Variants in RERE observed in about 807,000 individuals in gnomAD.
RERE encodes the protein arginine-glutamic acid dipeptide repeats.
RERE carries 40 observed loss-of-function variants against 146.1 expected under a neutral mutation model. The observed-to-expected ratio is 0.27, with a 90% CI of 0.21 to 0.36. The LOEUF is 0.36. Ranked by LOEUF, RERE falls within the 10% of genes least tolerant of loss-of-function variation. RERE has a pLI of 1.00. For synonymous variants in RERE, 1,003 were observed against 866.0 expected (o/e 1.16, Z -2.78); for missense variants, 1,933 against 2,138.7 (o/e 0.90, Z 1.90).
chr1:8,754,056 T>C (rs976626807), intron 1 of RERE, among the ~76,000 whole-genome samples: 1 of 152,166 alleles, frequency 6.6e-6, no homozygotes, highest in Admixed American at 6.5e-5. Context: ...CCCAGCTTGA[T>C]GTTTTTATTA....
chr1:8,704,958 G>A (rs1293391367), intron 1 of RERE, among the ~76,000 whole-genome samples: 1 of 152,182 alleles, frequency 6.6e-6, no homozygotes, highest in African/African-American at 2.4e-5. Context: ...TTGAAAATCT[G>A]CTTCATATCC....
chr1:8,577,622 A>T (rs1570462445), intron 4 of RERE, among the ~76,000 whole-genome samples: 1 of 152,242 alleles, frequency 6.6e-6, no homozygotes, highest in African/African-American at 2.4e-5. Context: ...AAAAATGCTC[A>T]CAATGTTTCT....
intron 10 of RERE, among the ~76,000 whole-genome samples, chr1:8,479,657 G>A (rs1035178027): frequency 1.3e-5 from 2 of 152,212 alleles, no homozygotes; most frequent in Non-Finnish European, 2.9e-5. Context: ...TGTGCAAACA[G>A]CCACCAGTAG....
At chr1:8,643,320 G>C (rs1356058954) in intron 2 of RERE, among the ~76,000 whole-genome samples, 1 of 152,036 alleles carries the variant, frequency 6.6e-6, no homozygotes, top group Non-Finnish European at 1.5e-5. Flanking sequence ...GCTCATTATT[G>C]AGCCCAATTT....
intron 4 of RERE, among the ~76,000 whole-genome samples, chr1:8,593,079 G>C (rs540101207): frequency 3.3e-5 from 5 of 152,106 alleles, no homozygotes; most frequent in Non-Finnish European, 7.4e-5. Flanking sequence ...TGAATGGTGC[G>C]ACTGGTTTCA....
chr1:8,551,843 G>A (rs1464453065), intron 6 of RERE, among the ~76,000 whole-genome samples: 1 of 152,134 alleles, frequency 6.6e-6, no homozygotes, highest in Non-Finnish European at 1.5e-5. Flanking sequence ...GCAGAGCCAG[G>A]ACTCAAACAC....
At chr1:8,569,891 T>TA (rs981385380) in intron 4 of RERE, among the ~76,000 whole-genome samples, 17 of 149,682 alleles carry the variant, frequency 1.1e-4, no homozygotes, top group South Asian at 4.2e-4. Flanking sequence ...GACCCTGTCT[T>TA]AAAAAAAAAG....
chr1:8,780,707 G>A (rs912021544), intron 1 of RERE, among the ~76,000 whole-genome samples: 1 of 152,150 alleles, frequency 6.6e-6, no homozygotes, highest in African/African-American at 2.4e-5. Context: ...TCTGCTGGAG[G>A]AAAAGAAGCT....
At chr1:8,516,181 C>G (rs1024583417) in intron 7 of RERE, among the ~76,000 whole-genome samples, 1 of 139,644 alleles carries the variant, frequency 7.2e-6, no homozygotes, top group African/African-American at 2.8e-5. Flanking sequence ...GCCGAGATCC[C>G]GCCAGTGTAC....
At chr1:8,640,739 C>T (rs2124282564) in intron 2 of RERE, among the ~76,000 whole-genome samples, 1 of 152,246 alleles carries the variant, frequency 6.6e-6, no homozygotes, top group East Asian at 1.9e-4. Flanking sequence ...TAGAAATTTA[C>T]CCATTTCCAG....
rs1266824153 is a variant in RERE, at chr1:8,566,790, T to TA, written c.523-9268dup. 4.2e-5 allele frequency among the ~76,000 whole-genome samples: 4 copies of TA among 94,650 alleles called. No homozygotes were observed. The East Asian group carries it at 1.2e-3, about 29-fold the overall frequency. The allele number at this position is 94,650 out of a possible 152,430, so 62.1% of individuals were successfully genotyped here. ...AGGGATCTGCTCACAACTGGAATAG[T>TA]AATTTTTTTTTTTTTTTTGAGACGG... On this transcript the variant is annotated intron_variant, in intron 4 of 22. Transcript: ENST00000400908.
intron 15 of RERE, chr1:8,363,781 G>C (rs1641689168): frequency 2.0e-6 from 1 of 503,006 alleles, no homozygotes. Flanking sequence ...CAGCCTTGGA[G>C]AGCAAGAGGG....
chr1:8,734,097 A>G (rs937616002), intron 1 of RERE, among the ~76,000 whole-genome samples: 2 of 152,104 alleles, frequency 1.3e-5, no homozygotes, highest in African/African-American at 4.8e-5. Context: ...AAAAGGTGAG[A>G]CTCCGTCTCA....
chr1:8,608,167 G>T (rs956225132), intron 4 of RERE, among the ~76,000 whole-genome samples: 4 of 152,032 alleles, frequency 2.6e-5, no homozygotes, highest in African/African-American at 9.7e-5. Flanking sequence ...GGGATTATAG[G>T]CATGAGCCAC....
intron 12 of RERE, among the ~76,000 whole-genome samples, chr1:8,398,827 T>C (rs899926852): frequency 4.6e-5 from 7 of 152,208 alleles, no homozygotes; most frequent in African/African-American, 1.4e-4. Flanking sequence ...ATCTGTGATT[T>C]TCACTTCATA....
At chr1:8,524,266 C>T (rs926387836) in intron 7 of RERE, among the ~76,000 whole-genome samples, 2 of 152,128 alleles carry the variant, frequency 1.3e-5, no homozygotes, top group South Asian at 2.1e-4. Flanking sequence ...AAATAATAAA[C>T]GCACACCCTA....
chr1:8,717,382 T>C (rs1367022192), intron 1 of RERE, among the ~76,000 whole-genome samples: 3 of 152,238 alleles, frequency 2.0e-5, no homozygotes, highest in African/African-American at 7.2e-5. Context: ...TTTAATGCCA[T>C]TGTTTTGTCA....
chr1:8,703,236 G>T (rs1639493369), intron 1 of RERE: 1 of 150,482 alleles, frequency 6.6e-6, no homozygotes, highest in Non-Finnish European at 1.5e-5. Context: ...ACCGCGGCGC[G>T]GGCGCAGGTC....
At chr1:8,462,258 G>A (rs901622597) in intron 11 of RERE, among the ~76,000 whole-genome samples, 2 of 152,184 alleles carry the variant, frequency 1.3e-5, no homozygotes, top group African/African-American at 4.8e-5. Context: ...CTCTCATATG[G>A]AGAGAAACTA....
Sources: allele counts gnomAD v4.1 joint callset (sites outside exome capture counted in the v4.1 genomes callset), GRCh38; gene constraint gnomAD v4.1.1; transcripts MANE v1.5; gene names NCBI Gene and HGNC (gene_info 2026-07-23, HGNC 2026-07-21).